Variants in NBEA observed in about 807,000 individuals in gnomAD.
NBEA encodes the protein neurobeachin.
A neutral mutation model predicts 343.4 loss-of-function variants in NBEA; 44 were observed. The observed-to-expected ratio is 0.13, with a 90% CI of 0.10 to 0.16. The LOEUF is 0.16. Among genes scored for constraint, NBEA ranks in the 10% least tolerant of loss-of-function variants. The pLI is 1.00. For synonymous variants in NBEA, 1,175 were observed against 1,238.7 expected (o/e 0.95, Z 1.08); for missense variants, 2,555 against 3,631.3 (o/e 0.70, Z 7.62).
intron 36 of NBEA, among the ~76,000 whole-genome samples, chr13:35,343,320 A>G (rs943990833): frequency 1.4e-4 from 22 of 152,148 alleles, no homozygotes; most frequent in Non-Finnish European, 2.5e-4. Flanking sequence ...CAACACTCCT[A>G]TCTCAGTTAT....
At chr13:35,385,335 C>T (rs1464272789) in intron 38 of NBEA, among the ~76,000 whole-genome samples, 4 of 152,026 alleles carry the variant, frequency 2.6e-5, no homozygotes, top group Admixed American at 6.6e-5. Flanking sequence ...TTTGCTTCCA[C>T]CTGGTTGAAC....
At chr13:35,026,912 T>C (rs776101788) in intron 1 of NBEA, among the ~76,000 whole-genome samples, 17 of 152,108 alleles carry the variant, frequency 1.1e-4, no homozygotes, top group Non-Finnish European at 2.4e-4. Context: ...CTTACCCTCA[T>C]AACCCTAACT....
chr13:35,633,398 G>A (rs1470835786), intron 49 of NBEA, among the ~76,000 whole-genome samples: 5 of 150,286 alleles, frequency 3.3e-5, no homozygotes, highest in Non-Finnish European at 7.4e-5. Context: ...CACCGCGCCC[G>A]GCCTAAATAA....
chr13:35,606,358 A>T (rs1251788664), intron 47 of NBEA, 68 bp from the exon 48 acceptor site: 1 of 833,432 alleles, frequency 1.2e-6, no homozygotes, highest in Admixed American at 4.0e-5. Context: ...AATAAGTTAT[A>T]AGTTAATAGT....
chr13:35,657,449 A>G (rs1175807892), intron 55 of NBEA, among the ~76,000 whole-genome samples: 1 of 152,222 alleles, frequency 6.6e-6, no homozygotes, highest in African/African-American at 2.4e-5. Flanking sequence ...TCTAAATACC[A>G]GTAAGATAAT....
At chr13:35,007,683 G>A (rs1012263347) in intron 1 of NBEA, among the ~76,000 whole-genome samples, 1 of 152,044 alleles carries the variant, frequency 6.6e-6, no homozygotes, top group Non-Finnish European at 1.5e-5. Flanking sequence ...GGTGGAGATG[G>A]GGCTTTACCC....
chr13:35,152,615 T>G (rs1161713890), intron 18 of NBEA, among the ~76,000 whole-genome samples: 2 of 152,212 alleles, frequency 1.3e-5, no homozygotes, highest in Non-Finnish European at 2.9e-5. Context: ...TGCAAAATAA[T>G]TCCATTTATA....
intron 1 of NBEA, among the ~76,000 whole-genome samples, chr13:35,012,546 T>G (rs747060712): frequency 9.9e-5 from 15 of 152,250 alleles, no homozygotes; most frequent in Non-Finnish European, 1.8e-4. Context: ...CCTGCAGCTA[T>G]CCTGTGAGAT....
chr13:35,516,985 A>G (rs1427256313), intron 41 of NBEA, among the ~76,000 whole-genome samples: 2 of 152,194 alleles, frequency 1.3e-5, no homozygotes, highest in Admixed American at 6.5e-5. Context: ...ATGTTCTTTC[A>G]ATTACTACAT....
At chr13:35,128,568 T>C (rs1255214015) in intron 17 of NBEA, among the ~76,000 whole-genome samples, 1 of 152,126 alleles carries the variant, frequency 6.6e-6, no homozygotes, top group Non-Finnish European at 1.5e-5. Flanking sequence ...ACTTATAGCT[T>C]GCTAAGTTTT....
intron 33 of NBEA, among the ~76,000 whole-genome samples, chr13:35,220,813 G>A (rs2074319800): frequency 6.6e-6 from 1 of 152,008 alleles, no homozygotes; most frequent in South Asian, 2.1e-4. Context: ...TATTGCTTCT[G>A]ACCCATTTTA....
intron 41 of NBEA, among the ~76,000 whole-genome samples, chr13:35,489,436 AT>A (rs1416081457): frequency 6.6e-6 from 1 of 151,854 alleles, no homozygotes; most frequent in African/African-American, 2.4e-5. Context: ...TTGGGGGATA[AT>A]TAGAACTAAT....
chr13:35,070,319 A>G (rs1339957876), intron 9 of NBEA, among the ~76,000 whole-genome samples: 1 of 152,054 alleles, frequency 6.6e-6, no homozygotes, highest in Non-Finnish European at 1.5e-5. Context: ...AATCTGTCAT[A>G]TCCATTATCT....
At chr13:35,484,274 GTATATATATATA>G (rs202233951) in intron 41 of NBEA, among the ~76,000 whole-genome samples, 14 of 115,164 alleles carry the variant, frequency 1.2e-4, no homozygotes, top group East Asian at 4.8e-4. Context: ...GTGTGTGTGT[GTATATATATATA>G]TATATATGTA....
chr13:35,200,187 C>G (rs1421631599), intron 31 of NBEA, among the ~76,000 whole-genome samples: 7 of 151,854 alleles, frequency 4.6e-5, no homozygotes, highest in Non-Finnish European at 1.0e-4. Flanking sequence ...AATACTATCT[C>G]TTTAGATAGA....
intron 38 of NBEA, among the ~76,000 whole-genome samples, chr13:35,393,451 T>C (rs1174526588): frequency 1.3e-5 from 2 of 152,140 alleles, no homozygotes; most frequent in African/African-American, 4.8e-5. Context: ...TAATATCCTT[T>C]GGTATGCTTT....
At chr13:35,034,967 G>A (rs1454267234) in intron 1 of NBEA, among the ~76,000 whole-genome samples, 1 of 151,678 alleles carries the variant, frequency 6.6e-6, no homozygotes, top group Non-Finnish European at 1.5e-5. Flanking sequence ...TTCAAAAAAT[G>A]AACTTTTTGT....
chr13:35,545,319 CCCCAT>C (rs1566298014), intron 41 of NBEA, among the ~76,000 whole-genome samples: 1 of 152,054 alleles, frequency 6.6e-6, no homozygotes, highest in African/African-American at 2.4e-5. Context: ...GTCATTCTGC[CCCCAT>C]CCCACTGCAT....
At chr13:34,970,807 G>A (rs576540931) in intron 1 of NBEA, among the ~76,000 whole-genome samples, 39 of 152,174 alleles carry the variant, frequency 2.6e-4, no homozygotes, top group Non-Finnish European at 4.6e-4. Context: ...TGGGTAGCGT[G>A]ATGCCTCTAG....
Sources: allele counts gnomAD v4.1 joint callset (sites outside exome capture counted in the v4.1 genomes callset), GRCh38; gene constraint gnomAD v4.1.1; transcripts MANE v1.5; gene names NCBI Gene and HGNC (gene_info 2026-07-23, HGNC 2026-07-21).